NCAM2: variants seen among roughly 807,000 people sequenced by gnomAD.
NCAM2 encodes the protein neural cell adhesion molecule 2, also known as N-CAM-2.
NCAM2 carries 30 observed loss-of-function variants against 98.1 expected under a neutral mutation model. The ratio of observed to expected loss-of-function variants is 0.31; its 90% CI spans 0.23 to 0.41. The LOEUF (loss-of-function observed/expected upper bound fraction) is 0.41, where lower values mean the gene tolerates loss of function less well. Ranked by LOEUF, NCAM2 falls within the 10% of genes least tolerant of loss-of-function variation. The probability of loss-of-function intolerance (pLI) is 1.00; values close to 1 mark genes in which losing one functional copy is unlikely to be tolerated. For missense variants in NCAM2, 867 were observed against 1,005.8 expected (o/e 0.86, Z 1.87); for synonymous variants, 368 against 342.4 (o/e 1.07, Z -0.83).
At chr21:21,223,408 A>T (rs1355143296) in intron 1 of NCAM2, 1 of 152,130 alleles carries the variant, frequency 6.6e-6, no homozygotes, top group Admixed American at 6.6e-5. Context: ...ATCTAGTTAT[A>T]TTTTCTATAA....
intron 1 of NCAM2, among the ~76,000 whole-genome samples, chr21:21,112,472 T>C (rs1044681600): frequency 2.0e-5 from 3 of 152,182 alleles, no homozygotes; most frequent in African/African-American, 4.8e-5. Context: ...GGCTTTCTAT[T>C]TGAAATAAAG....
At chr21:21,068,564 A>G (rs982466641) in intron 1 of NCAM2, among the ~76,000 whole-genome samples, 1 of 148,762 alleles carries the variant, frequency 6.7e-6, no homozygotes, top group Non-Finnish European at 1.5e-5. Context: ...GGTTCACGCG[A>G]TTCTTCTGCC....
chr21:21,080,138 A>G (rs140998351), intron 1 of NCAM2, among the ~76,000 whole-genome samples: 2 of 152,336 alleles, frequency 1.3e-5, no homozygotes, highest in African/African-American at 4.8e-5. Context: ...GGTGATGGAT[A>G]TGTTGATTGC....
intron 1 of NCAM2, among the ~76,000 whole-genome samples, chr21:21,230,963 C>CA (rs888034882): frequency 1.3e-5 from 2 of 151,278 alleles, no homozygotes; most frequent in African/African-American, 2.4e-5. Flanking sequence ...TATGTAGACA[C>CA]AATTTGGGAA....
chr21:21,140,343 T>A (rs1158073837), intron 1 of NCAM2, among the ~76,000 whole-genome samples: 1 of 152,154 alleles, frequency 6.6e-6, no homozygotes, highest in Non-Finnish European at 1.5e-5. Context: ...TAATGTTGGC[T>A]AGAGCATCTG....
intron 1 of NCAM2, among the ~76,000 whole-genome samples, chr21:21,062,545 C>T (rs2065344651): frequency 6.6e-6 from 1 of 152,132 alleles, no homozygotes; most frequent in Non-Finnish European, 1.5e-5. Context: ...AGGACTTGCC[C>T]TCATAAGGAG....
chr21:21,273,218 T>C (rs2072595508), intron 1 of NCAM2, among the ~76,000 whole-genome samples: 1 of 152,210 alleles, frequency 6.6e-6, no homozygotes, highest in African/African-American at 2.4e-5. Flanking sequence ...ATCTACCTTA[T>C]AGTAGTATCT....
chr21:21,094,188 A>C (rs1174903715), intron 1 of NCAM2, among the ~76,000 whole-genome samples: 1 of 151,928 alleles, frequency 6.6e-6, no homozygotes, highest in East Asian at 1.9e-4. Flanking sequence ...AAAAAATCAG[A>C]ACTTGAAAAT....
intron 8 of NCAM2, among the ~76,000 whole-genome samples, chr21:21,363,581 C>T (rs894887595): frequency 1.3e-5 from 2 of 152,006 alleles, no homozygotes; most frequent in Non-Finnish European, 2.9e-5. Context: ...CCAGACTTAC[C>T]TTTAATGAAA....
chr21:21,160,647 A>G (rs2067755220), intron 1 of NCAM2, among the ~76,000 whole-genome samples: 1 of 152,016 alleles, frequency 6.6e-6, no homozygotes, highest in Non-Finnish European at 1.5e-5. Context: ...ATTTCTTACT[A>G]TTTACATTTG....
At chr21:21,453,476 G>C (rs1205089999) in intron 12 of NCAM2, among the ~76,000 whole-genome samples, 1 of 151,986 alleles carries the variant, frequency 6.6e-6, no homozygotes, top group Non-Finnish European at 1.5e-5. Flanking sequence ...CTATGGAGAA[G>C]ACTTTGCATT....
chr21:21,154,194 G>C (rs937444668), intron 1 of NCAM2, among the ~76,000 whole-genome samples: 24 of 151,682 alleles, frequency 1.6e-4, no homozygotes, highest in Non-Finnish European at 2.8e-4. Flanking sequence ...AATCCATATG[G>C]GGGATTACAT....
chr21:21,496,627 C>G (rs568386623), intron 15 of NCAM2, among the ~76,000 whole-genome samples: 1 of 151,948 alleles, frequency 6.6e-6, no homozygotes, highest in Non-Finnish European at 1.5e-5. Context: ...TTAGGTCCCA[C>G]TTGTCTATTT....
chr21:21,346,370 G>A (rs1423928936), intron 8 of NCAM2, among the ~76,000 whole-genome samples: 1 of 152,056 alleles, frequency 6.6e-6, no homozygotes, highest in Non-Finnish European at 1.5e-5. Flanking sequence ...CAACATGGGA[G>A]AACCCAGATA....
At chr21:21,344,691 G>C (rs1477610982) in intron 8 of NCAM2, among the ~76,000 whole-genome samples, 2 of 152,124 alleles carry the variant, frequency 1.3e-5, no homozygotes, top group Non-Finnish European at 2.9e-5. Flanking sequence ...CCCACCTGGG[G>C]CAAGGGGGAC....
At chr21:21,129,546 G>A (rs1245882746) in intron 1 of NCAM2, among the ~76,000 whole-genome samples, 1 of 152,044 alleles carries the variant, frequency 6.6e-6, no homozygotes, top group African/African-American at 2.4e-5. Context: ...TTTATCTCCA[G>A]TCTCCTGGAG....
At chr21:21,272,107 A>G (rs1216839002) in intron 1 of NCAM2, among the ~76,000 whole-genome samples, 1 of 152,196 alleles carries the variant, frequency 6.6e-6, no homozygotes, top group Non-Finnish European at 1.5e-5. Flanking sequence ...AAAAGCTTAA[A>G]TGATAAAGTG....
At chr21:21,528,696 A>G (rs1284236678) in intron 16 of NCAM2, among the ~76,000 whole-genome samples, 1 of 152,200 alleles carries the variant, frequency 6.6e-6, no homozygotes, top group African/African-American at 2.4e-5. Flanking sequence ...TTAATAAACA[A>G]GGTTTACCTT....
At chr21:21,083,321 G>T (rs1477463697) in intron 1 of NCAM2, among the ~76,000 whole-genome samples, 1 of 151,980 alleles carries the variant, frequency 6.6e-6, no homozygotes, top group Non-Finnish European at 1.5e-5. Context: ...TTATTTCCAT[G>T]TAACAGGGGA....
Sources: allele counts gnomAD v4.1 joint callset (sites outside exome capture counted in the v4.1 genomes callset), GRCh38; gene constraint gnomAD v4.1.1; transcripts MANE v1.5; gene names NCBI Gene and HGNC (gene_info 2026-07-23, HGNC 2026-07-21).